MASP1: variants seen among roughly 807,000 people sequenced by gnomAD.
MASP1 encodes mannan-binding lectin serine protease 1.
MASP1 carries 59 observed loss-of-function variants against 77.1 expected under a neutral mutation model. The ratio of observed to expected loss-of-function variants is 0.77; its 90% confidence interval spans 0.62 to 0.95. MASP1 has a LOEUF of 0.95. MASP1 is among the 40% of genes least tolerant of loss of function. MASP1 has a pLI of 0.00. For missense variants in MASP1, 885 were observed against 912.9 expected (o/e 0.97, Z 0.39); for synonymous variants, 362 against 354.5 (o/e 1.02, Z -0.24).
chr3:187,285,057 T>A (rs1400458951), intron 2 of MASP1, among the ~76,000 whole-genome samples: 1 of 152,210 alleles, frequency 6.6e-6, no homozygotes, highest in Non-Finnish European at 1.5e-5. Context: ...TCTCCACGTC[T>A]TTTTTAACTA....
rs1716962671 is a variant in MASP1, at chr3:187,276,259, AACTTATT to A, written c.237+9559_237+9565del. Among the ~76,000 whole-genome samples, 3 of 152,148 alleles carry A rather than the reference AACTTATT, an allele frequency of 2.0e-5. No individual in the cohort carries two copies. The South Asian group carries it at 6.2e-4, about 32-fold the overall frequency. On this transcript the variant is annotated intron_variant, in intron 2 of 10. Transcript: ENST00000296280. ...CTGCTCTATTTTATTTTTGTCCATA[AACTTATT>A]ACTTAGTACATAATTTAGTTATGTA...
At chr3:187,239,155 C>T (rs1227559495) in intron 10 of MASP1, among the ~76,000 whole-genome samples, 1 of 149,018 alleles carries the variant, frequency 6.7e-6, no homozygotes, top group East Asian at 2.0e-4. Context: ...CCAGCCTGAC[C>T]AACATAGAGA....
At chr3:187,274,965 G>A (rs1716843072) in intron 2 of MASP1, among the ~76,000 whole-genome samples, 1 of 152,036 alleles carries the variant, frequency 6.6e-6, no homozygotes, top group Non-Finnish European at 1.5e-5. Context: ...GCTGGGCTTG[G>A]GGGGTGGGGT....
At chr3:187,288,387 C>T (rs1164287428) in intron 1 of MASP1, among the ~76,000 whole-genome samples, 1 of 152,148 alleles carries the variant, frequency 6.6e-6, no homozygotes, top group African/African-American at 2.4e-5. Flanking sequence ...CAGGTTCAGC[C>T]CTGCTGAGGA....
intron 5 of MASP1, among the ~76,000 whole-genome samples, chr3:187,256,404 C>T (rs1715078584): frequency 6.6e-6 from 1 of 152,200 alleles, no homozygotes; most frequent in Non-Finnish European, 1.5e-5. Flanking sequence ...GGCGTGCCCG[C>T]CAGAGACCTT....
At chr3:187,260,983 G>T in intron 3 of MASP1, 111 bp from the exon 4 acceptor site, 2 of 1,238,364 alleles carry the variant, frequency 1.6e-6, no homozygotes, top group Non-Finnish European at 2.4e-6. Context: ...AGATTCATGC[G>T]TTCTCTCATT....
exon 16 of MASP1, chr3:187,219,825 C>T (rs1267030934): frequency 1.8e-6 from 1 of 546,612 alleles, no homozygotes; most frequent in Non-Finnish European, 3.3e-6. Context: ...ATGAAGTCAC[C>T]TGCCCAGCAC....
At chr3:187,225,364 G>A (rs147189329) in exon 13 of MASP1, 319 of 1,613,846 alleles carry the variant, frequency 2.0e-4, no homozygotes, top group Non-Finnish European at 2.3e-4. Context: ...TGGGCATCAC[G>A]AAGGCATTCA....
intron 2 of MASP1, among the ~76,000 whole-genome samples, chr3:187,276,433 C>A (rs914420926): frequency 9.8e-5 from 15 of 152,302 alleles, no homozygotes; most frequent in African/African-American, 3.4e-4. Context: ...TAAATGAATA[C>A]CTCTTCGTCC....
chr3:187,227,824 A>G (rs73068942), intron 11 of MASP1, among the ~76,000 whole-genome samples: 8,028 of 152,226 alleles, frequency 0.053, 542 homozygotes, highest in African/African-American at 0.16. Flanking sequence ...TACACTGGCC[A>G]GTTCAGAGAC....
intron 2 of MASP1, among the ~76,000 whole-genome samples, chr3:187,273,984 TA>T (rs1312335649): frequency 2.6e-5 from 4 of 152,022 alleles, no homozygotes; most frequent in African/African-American, 9.7e-5. Flanking sequence ...CCGAGGTGGG[TA>T]AATCATGAAG....
Position 187,286,478 on chromosome 3 carries a change from T to C in MASP1, c.6-422A>G, listed in dbSNP as rs1717865929. Among the ~76,000 whole-genome samples the C allele has an allele frequency of 2.0e-5, 3 of 152,366 alleles. No individual in the cohort carries two copies. The South Asian group carries it at 6.2e-4, about 32-fold the overall frequency. On this transcript the variant is annotated intron_variant, in intron 1 of 10. Coordinates refer to ENST00000296280, the MANE Select transcript of MASP1 (RefSeq NM_139125.4). ...TTAAATGCATTGATGGAATCTGTAG[T>C]ACCTTAAACAGATTTAACGTTGAAA...
Position 187,223,129 on chromosome 3 carries a change from C to A in MASP1, c.1807G>T (p.Glu603Ter), listed in dbSNP as rs1198910363. The change falls in exon 14 of 16, where the codon GAG becomes TAG. Residue 603 changes from glutamate to a stop codon, truncating the protein, a stop_gained and splice_region_variant. Transcript: ENST00000337774. LOFTEE classifies it high-confidence loss of function. ...GTAGGTTATAAAGTGAACTTCACCT[C>A]CATCAGGGTCTCTGGGAACCTTTGC... 6.2e-7 allele frequency: 1 copy of A among 1,613,864 alleles called. No individual in the cohort carries two copies. Among genetic ancestry groups the A allele is most frequent in the Non-Finnish European group, 8.5e-7 (1 of 1,179,744 alleles).
downstream of MASP1, chr3:187,229,660 G>A: frequency 2.7e-6 from 4 of 1,461,514 alleles, no homozygotes; most frequent in Non-Finnish European, 3.8e-6. Flanking sequence ...TCTGTGCCCT[G>A]ATGCTAGTGT....
At chr3:187,246,523 T>C (rs1486767039) in intron 8 of MASP1, 21 of 985,344 alleles carry the variant, frequency 2.1e-5, no homozygotes, top group African/African-American at 7.0e-5. Flanking sequence ...GGGCAGTCCA[T>C]TTAATGCAAA....
exon 16 of MASP1, chr3:187,220,045 G>A (rs770768071): frequency 1.2e-6 from 2 of 1,611,350 alleles, no homozygotes; most frequent in Admixed American, 1.7e-5. Context: ...CCCACAGCTG[G>A]TGGTGCTGGG....
At chr3:187,226,760 T>C (rs559251154) in intron 11 of MASP1, among the ~76,000 whole-genome samples, 35 of 152,310 alleles carry the variant, frequency 2.3e-4, no homozygotes, top group African/African-American at 8.2e-4. Flanking sequence ...GACTGAACAT[T>C]GTAAACAGGA....
intron 7 of MASP1, 130 bp from the exon 8 acceptor site, chr3:187,250,459 T>C: frequency 5.2e-6 from 4 of 774,892 alleles, no homozygotes; most frequent in Non-Finnish European, 9.5e-6. Context: ...CCCATGGGCT[T>C]CCAAGGGTGA....
At chr3:187,267,291 C>T (rs1342139982) in intron 2 of MASP1, among the ~76,000 whole-genome samples, 3 of 152,162 alleles carry the variant, frequency 2.0e-5, no homozygotes, top group Non-Finnish European at 2.9e-5. Flanking sequence ...TCAATGTTCC[C>T]GAGCTATCTC....
Sources: allele counts gnomAD v4.1 joint callset (sites outside exome capture counted in the v4.1 genomes callset), GRCh38; gene constraint gnomAD v4.1.1; transcripts MANE v1.5; gene names NCBI Gene and HGNC (gene_info 2026-07-23, HGNC 2026-07-21).